THSD7B: variants seen among roughly 807,000 people sequenced by gnomAD.
The protein encoded by THSD7B is thrombospondin type 1 domain containing 7B.
Under a neutral mutation model 213.6 loss-of-function variants are expected in THSD7B, and 138 were observed. That is an observed-to-expected ratio of 0.65 (90% confidence interval 0.56 to 0.74). The LOEUF is 0.74. Ranked by LOEUF, THSD7B falls within the 30% of genes least tolerant of loss-of-function variation. The pLI, the probability that THSD7B is intolerant of heterozygous loss-of-function variation, is 0.00. For synonymous variants in THSD7B, 742 were observed against 687.0 expected, an observed-to-expected ratio of 1.08 and a Z score of -1.25; for missense variants, 1,931 against 1,991.5, an observed-to-expected ratio of 0.97 and a Z score of 0.58.
chr2:136,959,731 C>T (rs1685185994), intron 2 of THSD7B, among the ~76,000 whole-genome samples: 2 of 152,270 alleles, frequency 1.3e-5, no homozygotes, highest in South Asian at 2.1e-4. Flanking sequence ...ATTAATGCCC[C>T]ACTACTTATC....
chr2:136,967,265 A>C (rs767885784), intron 2 of THSD7B, among the ~76,000 whole-genome samples: 1 of 152,126 alleles, frequency 6.6e-6, no homozygotes, highest in Non-Finnish European at 1.5e-5. Context: ...TGTTTTCCTC[A>C]CCTTTCTCCC....
At chr2:137,465,640 C>A (rs1687977477) in intron 15 of THSD7B, among the ~76,000 whole-genome samples, 1 of 152,072 alleles carries the variant, frequency 6.6e-6, no homozygotes, top group Non-Finnish European at 1.5e-5. Context: ...TTGTTCTTTC[C>A]TACTTTGAAT....
intron 5 of THSD7B, among the ~76,000 whole-genome samples, chr2:137,122,953 A>G (rs971933547): frequency 1.3e-5 from 2 of 152,144 alleles, no homozygotes; most frequent in Admixed American, 6.5e-5. Flanking sequence ...CCTTGCTGCT[A>G]TGCAAGTCTG....
chr2:137,501,939 T>TATTTAAACAG (rs1679717040), intron 15 of THSD7B, among the ~76,000 whole-genome samples: 1 of 152,204 alleles, frequency 6.6e-6, no homozygotes, highest in Non-Finnish European at 1.5e-5. Context: ...ATCTGGCTAA[T>TATTTAAACAG]GAATTAAGTA....
intron 1 of THSD7B, among the ~76,000 whole-genome samples, chr2:136,826,585 C>T (rs571360940): frequency 2.6e-4 from 39 of 152,316 alleles, no homozygotes; most frequent in African/African-American, 9.1e-4. Context: ...ATCTCTCCTC[C>T]TCTGGAAGGC....
At chr2:137,134,957 CT>C (rs968279492) in intron 5 of THSD7B, among the ~76,000 whole-genome samples, 1 of 152,154 alleles carries the variant, frequency 6.6e-6, no homozygotes, top group African/African-American at 2.4e-5. Context: ...ATATCTCTTG[CT>C]AGCTATGTGA....
chr2:137,207,647 CTGGATTGAGGTAT>C (rs1210460777), intron 7 of THSD7B, among the ~76,000 whole-genome samples: 3 of 152,000 alleles, frequency 2.0e-5, no homozygotes, highest in Non-Finnish European at 4.4e-5. Flanking sequence ...AGAGATGGCA[CTGGATTGAGGTAT>C]TGGTAGACAT....
At chr2:137,007,165 G>A (rs923942533) in intron 2 of THSD7B, among the ~76,000 whole-genome samples, 1 of 152,176 alleles carries the variant, frequency 6.6e-6, no homozygotes, top group African/African-American at 2.4e-5. Flanking sequence ...ATTCCTGAAT[G>A]TAAATGTGTA....
chr2:136,942,216 TG>T (rs1323465782), intron 2 of THSD7B, among the ~76,000 whole-genome samples: 1 of 152,234 alleles, frequency 6.6e-6, no homozygotes, highest in Non-Finnish European at 1.5e-5. Flanking sequence ...ATCTCTGTTT[TG>T]GTACCAGTAC....
At chr2:136,796,309 G>A (rs1682062764) in intron 1 of THSD7B, among the ~76,000 whole-genome samples, 1 of 151,944 alleles carries the variant, frequency 6.6e-6, no homozygotes, top group Non-Finnish European at 1.5e-5. Context: ...GCAGGGAAAT[G>A]GCATCCACTG....
chr2:136,848,139 T>C (rs943529702), intron 1 of THSD7B, among the ~76,000 whole-genome samples: 7 of 152,212 alleles, frequency 4.6e-5, no homozygotes, highest in Admixed American at 2.6e-4. Flanking sequence ...TCTCATACAG[T>C]GCACAATTCC....
At chr2:137,011,820 C>T (rs936154252) in intron 2 of THSD7B, among the ~76,000 whole-genome samples, 1 of 152,190 alleles carries the variant, frequency 6.6e-6, no homozygotes, top group Non-Finnish European at 1.5e-5. Flanking sequence ...TTCTGAATTC[C>T]TATTGCATTT....
chr2:137,455,566 T>C (rs773930346), intron 15 of THSD7B, among the ~76,000 whole-genome samples: 6 of 152,222 alleles, frequency 3.9e-5, no homozygotes, highest in Admixed American at 1.3e-4. Flanking sequence ...ATCACCATGA[T>C]AGCTCTTTCT....
chr2:136,829,588 G>A (rs1027124194), intron 1 of THSD7B, among the ~76,000 whole-genome samples: 5 of 152,132 alleles, frequency 3.3e-5, no homozygotes, highest in Admixed American at 1.3e-4. Context: ...TGGGTCCCCT[G>A]ACTCCAGGCC....
intron 12 of THSD7B, among the ~76,000 whole-genome samples, chr2:137,310,232 A>G (rs1284833496): frequency 6.6e-6 from 1 of 151,546 alleles, no homozygotes; most frequent in South Asian, 2.1e-4. Flanking sequence ...TGTGGTTTTG[A>G]TTTTCATTTC....
intron 2 of THSD7B, among the ~76,000 whole-genome samples, chr2:136,960,907 G>A (rs1685205830): frequency 6.6e-6 from 1 of 151,668 alleles, no homozygotes; most frequent in African/African-American, 2.4e-5. Context: ...GGCTAATACG[G>A]TGAAACCTCG....
intron 1 of THSD7B, among the ~76,000 whole-genome samples, chr2:136,878,573 G>T (rs2104988126): frequency 6.6e-6 from 1 of 152,000 alleles, no homozygotes; most frequent in African/African-American, 2.4e-5. Context: ...ATCCTCTCCA[G>T]CACCTGTTGT....
At chr2:137,368,909 A>C (rs1042758717) in intron 12 of THSD7B, among the ~76,000 whole-genome samples, 1 of 152,024 alleles carries the variant, frequency 6.6e-6, no homozygotes, top group Non-Finnish European at 1.5e-5. Flanking sequence ...ATAGTTATAG[A>C]ACTCTGCTTG....
intron 2 of THSD7B, among the ~76,000 whole-genome samples, chr2:136,962,113 T>C (rs983309014): frequency 6.6e-6 from 1 of 152,326 alleles, no homozygotes; most frequent in South Asian, 2.1e-4. Context: ...TATTTGCATC[T>C]GGAGAAAGAC....
Sources: allele counts gnomAD v4.1 joint callset (sites outside exome capture counted in the v4.1 genomes callset), GRCh38; gene constraint gnomAD v4.1.1; transcripts MANE v1.5; gene names NCBI Gene and HGNC (gene_info 2026-07-23, HGNC 2026-07-21).